The following FCHSD2 variants were observed in gnomAD, a reference collection of about 807,000 sequenced individuals.
FCHSD2 encodes F-BAR and double SH3 domains protein 2.
A neutral mutation model predicts 108.1 loss-of-function variants in FCHSD2; 38 were observed. That is an observed-to-expected ratio of 0.35 (90% CI 0.27 to 0.46). FCHSD2 has a LOEUF of 0.46. Ranked by LOEUF, FCHSD2 falls within the 20% of genes least tolerant of loss-of-function variation. The pLI is 1.00. For synonymous variants in FCHSD2, 279 were observed against 314.7 expected, an observed-to-expected ratio of 0.89 and a Z score of 1.20; for missense variants, 751 against 897.8, an observed-to-expected ratio of 0.84 and a Z score of 2.09.
rs368880489 is a variant in FCHSD2 at position 73,001,048 on chromosome 11, T to A, written c.329A>T (p.Asn110Ile). 1.4e-5 allele frequency: 22 copies of A among 1,612,692 alleles called. No individual in the cohort carries two copies. The highest frequency in any genetic ancestry group is 1.2e-4 in the Admixed American group (7 of 59,790). ...SRMNICENYK[N>I]FISEPARTVR... ...TGTCCTTGCAGGCTCAGAAATGAAG[T>A]TTTTATAGTTTTCACATATATTCAT... Residue 110 changes from asparagine to isoleucine, a missense_variant, in exon 5 of 20, where the codon AAC becomes ATC. Asn to Ile is a moderately radical substitution (Grantham distance 149). Coordinates refer to ENST00000409418, the MANE Select transcript of FCHSD2 (RefSeq NM_014824.3).
intron 2 of FCHSD2, among the ~76,000 whole-genome samples, chr11:73,101,680 TC>T (rs1178265568): frequency 4.6e-5 from 7 of 151,914 alleles, no homozygotes; most frequent in African/African-American, 7.2e-5. Context: ...CAAACGATCC[TC>T]CCACTTTGGC....
Position 73,089,714 on chromosome 11 carries a change from A to T in FCHSD2, c.120-5974T>A, listed in dbSNP as rs533184686. 1.7e-4 allele frequency among the ~76,000 whole-genome samples: 26 copies of T among 152,366 alleles called. No homozygotes were observed. In the East Asian group the frequency reaches 2.9e-3, roughly 17 times the overall value. On this transcript the variant is annotated intron_variant, in intron 2 of 19. Coordinates refer to ENST00000409418, the MANE Select transcript of FCHSD2 (RefSeq NM_014824.3). ...CCATATATTTTAGAATTTCATTTAT[A>T]CAAAGTGTCTAGAATAAGCAAGTCC... is the stretch of plus-strand genomic sequence containing the variant.
intron 9 of FCHSD2, among the ~76,000 whole-genome samples, chr11:72,913,316 T>G (rs1480909654): frequency 6.6e-6 from 1 of 152,192 alleles, no homozygotes. Context: ...TTGCCCAGGA[T>G]GAAGTGCAGC....
At chr11:72,855,467 C>CT (rs1312833032) in intron 13 of FCHSD2, among the ~76,000 whole-genome samples, 1 of 151,868 alleles carries the variant, frequency 6.6e-6, no homozygotes, top group African/African-American at 2.4e-5. Flanking sequence ...CAGAGTGAGA[C>CT]TCCATCTCAA....
At chr11:72,871,697 T>C (rs1267992773) in intron 12 of FCHSD2, among the ~76,000 whole-genome samples, 2 of 151,938 alleles carry the variant, frequency 1.3e-5, no homozygotes, top group Middle Eastern at 6.8e-3. Flanking sequence ...TGAGCTATGA[T>C]CATGCCTGTG....
At chr11:73,080,032 T>TG (rs1859643859) in intron 3 of FCHSD2, among the ~76,000 whole-genome samples, 1 of 152,024 alleles carries the variant, frequency 6.6e-6, no homozygotes, top group Non-Finnish European at 1.5e-5. Flanking sequence ...GCGCGGTAGC[T>TG]CATGCCTCTA....
chr11:72,898,964 C>T (rs947701909), intron 10 of FCHSD2, among the ~76,000 whole-genome samples: 8 of 151,838 alleles, frequency 5.3e-5, no homozygotes, highest in Admixed American at 3.3e-4. Flanking sequence ...AGGCTGGTCT[C>T]GAACTCCTGG....
intron 12 of FCHSD2, among the ~76,000 whole-genome samples, chr11:72,878,154 T>C (rs987171437): frequency 6.6e-6 from 1 of 152,142 alleles, no homozygotes; most frequent in African/African-American, 2.4e-5. Context: ...TGGCATGCAG[T>C]TGTAGTCACA....
chr11:72,848,595 G>A (rs1861207580), intron 14 of FCHSD2, among the ~76,000 whole-genome samples: 1 of 152,048 alleles, frequency 6.6e-6, no homozygotes, highest in Admixed American at 6.5e-5. Flanking sequence ...ATTCATTCTG[G>A]CATCCCCCCA....
intron 8 of FCHSD2, among the ~76,000 whole-genome samples, chr11:72,959,792 T>C (rs1344191592): frequency 2.0e-5 from 3 of 152,082 alleles, no homozygotes; most frequent in African/African-American, 7.2e-5. Flanking sequence ...ATCATGTACA[T>C]TATATGCTGA....
intron 3 of FCHSD2, among the ~76,000 whole-genome samples, chr11:73,061,429 A>C (rs780675343): frequency 2.6e-5 from 4 of 152,174 alleles, no homozygotes; most frequent in Non-Finnish European, 5.9e-5. Context: ...TCCATACCCC[A>C]GTGGCACCGG....
intron 9 of FCHSD2, among the ~76,000 whole-genome samples, chr11:72,911,352 T>C (rs1266449704): frequency 6.6e-6 from 1 of 152,228 alleles, no homozygotes; most frequent in Non-Finnish European, 1.5e-5. Flanking sequence ...TATTTGTTTT[T>C]ATGCCAGTAC....
At chr11:72,896,973 C>G (rs1004369449) in intron 10 of FCHSD2, among the ~76,000 whole-genome samples, 4 of 151,716 alleles carry the variant, frequency 2.6e-5, no homozygotes, top group African/African-American at 4.8e-5. Flanking sequence ...ACTACAGGTG[C>G]CCGCCACCAC....
intron 8 of FCHSD2, among the ~76,000 whole-genome samples, chr11:72,983,364 G>C (rs1468055402): frequency 6.6e-6 from 1 of 151,970 alleles, no homozygotes; most frequent in African/African-American, 2.4e-5. Flanking sequence ...CAGCTACTCA[G>C]GAGGATGAGG....
chr11:73,045,481 T>C (rs1367688258), intron 3 of FCHSD2, among the ~76,000 whole-genome samples: 2 of 152,046 alleles, frequency 1.3e-5, no homozygotes, highest in Non-Finnish European at 2.9e-5. Flanking sequence ...ATGTTTATTG[T>C]GGCACTATTC....
At chr11:72,967,095 G>A (rs1856922612) in intron 8 of FCHSD2, among the ~76,000 whole-genome samples, 1 of 151,934 alleles carries the variant, frequency 6.6e-6, no homozygotes, top group African/African-American at 2.4e-5. Flanking sequence ...AGCTACTCAG[G>A]AGGCTGAGGC....
At chr11:73,087,583 T>C (rs986280283) in intron 2 of FCHSD2, among the ~76,000 whole-genome samples, 3 of 151,652 alleles carry the variant, frequency 2.0e-5, no homozygotes, top group Admixed American at 2.0e-4. Flanking sequence ...CGTGTGCCTG[T>C]AGTCCCAGCT....
chr11:72,973,740 AAC>A (rs1857052439), intron 8 of FCHSD2, among the ~76,000 whole-genome samples: 1 of 152,236 alleles, frequency 6.6e-6, no homozygotes, highest in South Asian at 2.1e-4. Context: ...GAACATTCAT[AAC>A]ACAGTTTTTA....
intron 9 of FCHSD2, among the ~76,000 whole-genome samples, chr11:72,909,187 C>A (rs1291260316): frequency 6.6e-6 from 1 of 152,076 alleles, no homozygotes; most frequent in African/African-American, 2.4e-5. Flanking sequence ...CAGGCACACG[C>A]CGCCACGCCT....
Sources: allele counts gnomAD v4.1 joint callset (sites outside exome capture counted in the v4.1 genomes callset), GRCh38; gene constraint gnomAD v4.1.1; transcripts MANE v1.5; gene names NCBI Gene and HGNC (gene_info 2026-07-23, HGNC 2026-07-21).